The following TRERF1 variants were observed in gnomAD, a reference collection of about 807,000 sequenced individuals.
The protein encoded by TRERF1 is transcriptional-regulating factor 1.
In TRERF1, 27 loss-of-function variants were observed where a neutral mutation model predicts 122.9. That is an observed-to-expected ratio of 0.22 (90% CI 0.16 to 0.30). The LOEUF (loss-of-function observed/expected upper bound fraction) is 0.30, where lower values mean the gene tolerates loss of function less well. Among genes scored for constraint, TRERF1 ranks in the 10% least tolerant of loss-of-function variants. The pLI is 1.00. For synonymous variants in TRERF1, 636 were observed against 641.7 expected (o/e 0.99, Z 0.13); for missense variants, 1,248 against 1,560.3 (o/e 0.80, Z 3.37).
chr6:42,437,303 G>A (rs1785629008), intron 2 of TRERF1, among the ~76,000 whole-genome samples: 1 of 152,128 alleles, frequency 6.6e-6, no homozygotes, highest in Non-Finnish European at 1.5e-5. Flanking sequence ...ACTTCTGGAA[G>A]CTAACAACGT....
chr6:42,451,646 C>T (rs1788553549), intron 1 of TRERF1, among the ~76,000 whole-genome samples, 28 bp downstream of exon 1: 1 of 151,242 alleles, frequency 6.6e-6, no homozygotes, highest in Non-Finnish European at 1.5e-5. Context: ...TCCTCCTCCC[C>T]ATGCGCCCTC....
chr6:42,363,858 A>G (rs921546448), intron 2 of TRERF1, among the ~76,000 whole-genome samples: 1 of 152,150 alleles, frequency 6.6e-6, no homozygotes, highest in Non-Finnish European at 1.5e-5. Context: ...CCCTGCCAAC[A>G]CCTTGATCTT....
intron 2 of TRERF1, among the ~76,000 whole-genome samples, chr6:42,388,359 T>C (rs983011105): frequency 3.3e-5 from 5 of 152,050 alleles, no homozygotes; most frequent in African/African-American, 1.2e-4. Flanking sequence ...TGCCCAACCT[T>C]CAAAACCAGA....
intron 2 of TRERF1, among the ~76,000 whole-genome samples, chr6:42,419,501 C>A (rs1041264349): frequency 2.6e-5 from 4 of 152,118 alleles, no homozygotes; most frequent in Non-Finnish European, 5.9e-5. Context: ...CCAACATGTG[C>A]CAACAAATTA....
intron 12 of TRERF1, 123 bp downstream of exon 12, chr6:42,256,605 G>A: frequency 2.7e-6 from 2 of 754,060 alleles, no homozygotes; most frequent in South Asian, 1.6e-5. Flanking sequence ...AGGGAGGCGT[G>A]CTGATTGGTC....
At chr6:42,359,948 A>AG (rs1771401110) in intron 3 of TRERF1, among the ~76,000 whole-genome samples, 1 of 152,168 alleles carries the variant, frequency 6.6e-6, no homozygotes. Flanking sequence ...GAATTCTAAC[A>AG]GAAAAAAAAA....
At chr6:42,235,431 A>T (rs1175317578) in intron 16 of TRERF1, among the ~76,000 whole-genome samples, 1 of 152,236 alleles carries the variant, frequency 6.6e-6, no homozygotes, top group Non-Finnish European at 1.5e-5. Context: ...CTTTAAAAAT[A>T]TCCTTTAAAA....
chr6:42,285,768 T>C lies in TRERF1; in HGVS notation c.-259+14870A>G, dbSNP rs1325169139. 7.2e-5 allele frequency among the ~76,000 whole-genome samples: 11 copies of C among 152,280 alleles called. No homozygotes were observed. The East Asian group carries it at 1.2e-3, about 16-fold the overall frequency. ...ATCCCCATCAAGCTACCAATGACTT[T>C]CTTCACAGAATTGGAAAAAACTACT... On this transcript the variant is annotated intron_variant, in intron 4 of 17. Coordinates refer to ENST00000372922, the Ensembl canonical transcript of TRERF1.
In TRERF1 at chr6:42,445,289, C is replaced by T. The variant is rs535990020; in HGVS notation, c.-454+5888G>A. Among the ~76,000 whole-genome samples, 47 of 149,576 alleles carry T rather than the reference C, an allele frequency of 3.1e-4. 1 individual carries two copies. The highest frequency in any genetic ancestry group is 1.9e-3 in the Admixed American group (28 of 14,980). ...TCTCAAAAAAAAAAAAAACAAAAAA[C>T]GATGAAACAAATCCAATGGTGATTT... is the stretch of plus-strand genomic sequence containing the variant. On this transcript the variant is annotated intron_variant, in intron 2 of 17. Coordinates refer to ENST00000372922, the Ensembl canonical transcript of TRERF1.
intron 3 of TRERF1, among the ~76,000 whole-genome samples, chr6:42,347,433 G>C (rs1041928609): frequency 2.0e-5 from 3 of 152,202 alleles, no homozygotes; most frequent in Non-Finnish European, 4.4e-5. Context: ...GGGAGTGGAG[G>C]TGTGGGCAAG....
At chr6:42,302,087 C>T (rs1455596373) in intron 3 of TRERF1, among the ~76,000 whole-genome samples, 3 of 152,148 alleles carry the variant, frequency 2.0e-5, no homozygotes, top group African/African-American at 7.2e-5. Flanking sequence ...AACTTCCCAA[C>T]CCTAACTATG....
At chr6:42,433,104 G>A (rs897357626) in intron 2 of TRERF1, among the ~76,000 whole-genome samples, 1 of 152,128 alleles carries the variant, frequency 6.6e-6, no homozygotes, top group South Asian at 2.1e-4. Flanking sequence ...CTAGAGGAAA[G>A]GGAGGTGCAG....
Position 42,418,266 on chromosome 6 carries a change from C to CTTTCTTTCT in TRERF1, c.-454+32910_-454+32911insAGAAAGAAA, listed in dbSNP as rs1554211463. Among the ~76,000 whole-genome samples the CTTTCTTTCT allele has an allele frequency of 7.0e-4, 26 of 37,020 alleles. No individual in the cohort carries two copies. The East Asian group carries it at 0.02, about 29-fold the overall frequency. The allele number at this position is 37,020 out of a possible 152,430, so 24.3% of individuals were successfully genotyped here. A position where few individuals can be genotyped will look rare whatever the true frequency, so the allele number is the denominator to read the frequency against. ...ATGGAGTTTTGCTCTTTCTTTCTTTCTTTTTTTTTTTTTTTTTTCCGAGAT... is the reference window on the plus strand; with the variant it reads ...ATGGAGTTTTGCTCTTTCTTTCTTTCTTTCTTTCTTTTTTTTTTTTTTTTTTTCCGAGAT... On this transcript the variant is annotated intron_variant, in intron 2 of 17. Transcript: ENST00000372922.
intron 4 of TRERF1, among the ~76,000 whole-genome samples, chr6:42,289,438 G>C (rs1783913567): frequency 1.0e-5 from 1 of 96,836 alleles, no homozygotes; most frequent in African/African-American, 4.0e-5. Flanking sequence ...AAGTTCTTCT[G>C]TTCAAGGCCA....
intron 3 of TRERF1, among the ~76,000 whole-genome samples, chr6:42,311,144 T>C (rs1332646437): frequency 1.3e-5 from 2 of 152,278 alleles, no homozygotes; most frequent in East Asian, 1.9e-4. Context: ...GTGGAGCAGA[T>C]AGTCTAGTGG....
intron 2 of TRERF1, among the ~76,000 whole-genome samples, chr6:42,436,877 T>C (rs1041688645): frequency 7.0e-6 from 1 of 142,066 alleles, no homozygotes; most frequent in Admixed American, 7.2e-5. Context: ...ATTTATACAA[T>C]TTCAGTGAAA....
intron 3 of TRERF1, among the ~76,000 whole-genome samples, chr6:42,356,318 G>A (rs766730553): frequency 6.6e-5 from 10 of 152,194 alleles, no homozygotes; most frequent in Non-Finnish European, 1.0e-4. Flanking sequence ...GATGCCATTC[G>A]GAGATGAGGT....
At chr6:42,389,511 G>C (rs543247465) in intron 2 of TRERF1, among the ~76,000 whole-genome samples, 3 of 152,348 alleles carry the variant, frequency 2.0e-5, no homozygotes, top group African/African-American at 7.2e-5. Flanking sequence ...GCATCCCTTA[G>C]TGTTAAATAA....
chr6:42,269,027 C>T lies in TRERF1; in HGVS notation c.564G>A (p.Lys188=). The T allele has an allele frequency of 6.2e-7, 1 of 1,614,062 alleles. No homozygotes were observed. Among genetic ancestry groups the T allele is most frequent in the Non-Finnish European group, 8.5e-7 (1 of 1,179,964 alleles). The change falls in exon 5 of 18, where the codon AAG becomes AAA. Residue 188 remains lysine (K), a synonymous_variant. Transcript: ENST00000372922. This position sits in a 1 kb window ranked among gnomAD's most constrained non-coding sequence, Gnocchi z 4.9. Reference sequence around the variant, plus strand: ...TAGCCGGTGCTGGGGGCTCCATGGGCTTCTGAGACAGCAGCTGGCGGAGAG... The same window carrying T: ...TAGCCGGTGCTGGGGGCTCCATGGGTTTCTGAGACAGCAGCTGGCGGAGAG...
Sources: allele counts gnomAD v4.1 joint callset (sites outside exome capture counted in the v4.1 genomes callset), GRCh38; gene constraint gnomAD v4.1.1; non-coding constraint Gnocchi (gnomAD v3.1); transcripts MANE v1.5; gene names NCBI Gene and HGNC (gene_info 2026-07-23, HGNC 2026-07-21).